The following CDKAL1 variants were observed in gnomAD, a reference collection of about 807,000 sequenced individuals.
CDKAL1 encodes the protein CDKAL1 threonylcarbamoyladenosine tRNA methylthiotransferase, also known as threonylcarbamoyladenosine tRNA methylthiotransferase.
A neutral mutation model predicts 68.2 loss-of-function variants in CDKAL1; 32 were observed. The observed-to-expected ratio is 0.47, with a 90% CI of 0.35 to 0.63. The LOEUF (loss-of-function observed/expected upper bound fraction) is 0.63, where lower values mean the gene tolerates loss of function less well. CDKAL1 is among the 30% of genes least tolerant of loss of function. CDKAL1 has a pLI of 0.00. For missense variants in CDKAL1, 606 were observed against 696.7 expected (o/e 0.87, Z 1.47); for synonymous variants, 234 against 244.3 (o/e 0.96, Z 0.39).
intron 9 of CDKAL1, among the ~76,000 whole-genome samples, chr6:20,883,316 A>G (rs1760913603): frequency 6.6e-6 from 1 of 152,198 alleles, no homozygotes; most frequent in South Asian, 2.1e-4. Flanking sequence ...TTAGTTGACA[A>G]GTGTAACTAG....
intron 10 of CDKAL1, among the ~76,000 whole-genome samples, chr6:20,970,632 A>G (rs1401747999): frequency 2.0e-5 from 3 of 152,300 alleles, no homozygotes; most frequent in African/African-American, 2.4e-5. Flanking sequence ...TGTCTTCCTC[A>G]TAAAGCTTTT....
intron 4 of CDKAL1, among the ~76,000 whole-genome samples, chr6:20,629,189 G>A (rs75080296): frequency 5.3e-5 from 8 of 152,112 alleles, no homozygotes; most frequent in Non-Finnish European, 1.0e-4. Context: ...CCAGTTACTT[G>A]AGTGATTGTG....
chr6:20,717,253 T>C (rs1562049206), intron 5 of CDKAL1, among the ~76,000 whole-genome samples: 1 of 151,890 alleles, frequency 6.6e-6, no homozygotes, highest in Non-Finnish European at 1.5e-5. Flanking sequence ...GTTGGGAAGA[T>C]GTAGAATCAA....
intron 8 of CDKAL1, among the ~76,000 whole-genome samples, chr6:20,832,236 T>C (rs768014174): frequency 2.6e-5 from 4 of 152,178 alleles, no homozygotes; most frequent in Non-Finnish European, 4.4e-5. Flanking sequence ...TTAAAATGAT[T>C]TATAACATAA....
chr6:21,201,623 G>A (rs906979196), intron 15 of CDKAL1, among the ~76,000 whole-genome samples: 4 of 152,124 alleles, frequency 2.6e-5, no homozygotes, highest in Non-Finnish European at 4.4e-5. Flanking sequence ...AGAAAGGGGT[G>A]TTTTCTTGCT....
intron 13 of CDKAL1, among the ~76,000 whole-genome samples, chr6:21,127,468 G>A (rs916666669): frequency 6.6e-6 from 1 of 152,154 alleles, no homozygotes; most frequent in Non-Finnish European, 1.5e-5. Flanking sequence ...AATGTAAAAA[G>A]GCCAGGCACA....
At chr6:21,160,329 G>C (rs1228091708) in intron 13 of CDKAL1, among the ~76,000 whole-genome samples, 1 of 150,738 alleles carries the variant, frequency 6.6e-6, no homozygotes, top group Non-Finnish European at 1.5e-5. Context: ...ATGAAGTCTC[G>C]CTCTGTCACC....
chr6:21,161,857 C>A (rs1001924181), intron 13 of CDKAL1, among the ~76,000 whole-genome samples: 1 of 152,086 alleles, frequency 6.6e-6, no homozygotes, highest in Admixed American at 6.5e-5. Flanking sequence ...TAATTGTTGT[C>A]ATTTTCTACT....
At chr6:20,546,566 TC>T (rs745504163) in intron 3 of CDKAL1, 43 bp downstream of exon 3, 9 of 1,558,142 alleles carry the variant, frequency 5.8e-6, no homozygotes, top group Middle Eastern at 1.8e-4. Context: ...TCTTTTTTTT[TC>T]TTTTGAGACA....
chr6:21,034,523 C>A (rs1022257165), intron 11 of CDKAL1, among the ~76,000 whole-genome samples: 3 of 152,188 alleles, frequency 2.0e-5, no homozygotes, highest in African/African-American at 7.2e-5. Flanking sequence ...CATAGATCAG[C>A]TGGACTGATA....
intron 10 of CDKAL1, among the ~76,000 whole-genome samples, chr6:20,986,728 T>A (rs1766480337): frequency 6.6e-6 from 1 of 152,100 alleles, no homozygotes; most frequent in Non-Finnish European, 1.5e-5. Flanking sequence ...TTTAAAGATA[T>A]ATAAGTGGTA....
intron 13 of CDKAL1, among the ~76,000 whole-genome samples, chr6:21,129,682 CAAAAAAAA>C (rs34802727): frequency 5.8e-5 from 4 of 69,016 alleles, no homozygotes; most frequent in African/African-American, 2.2e-4. Context: ...TGCAGTTTAC[CAAAAAAAA>C]AAAAAAAAAA....
At chr6:21,049,875 T>G (rs982262758) in intron 11 of CDKAL1, among the ~76,000 whole-genome samples, 2 of 152,058 alleles carry the variant, frequency 1.3e-5, no homozygotes, top group African/African-American at 4.8e-5. Context: ...GAAACAATTT[T>G]TCCATACACT....
At chr6:20,683,089 A>C (rs537415524) in intron 5 of CDKAL1, among the ~76,000 whole-genome samples, 1 of 152,062 alleles carries the variant, frequency 6.6e-6, no homozygotes, top group East Asian at 1.9e-4. Context: ...CAGCCTCCTG[A>C]GTAGCTGGAA....
At chr6:21,170,476 C>G (rs1323994367) in intron 13 of CDKAL1, among the ~76,000 whole-genome samples, 1 of 151,868 alleles carries the variant, frequency 6.6e-6, no homozygotes, top group East Asian at 1.9e-4. Context: ...ATTACAGGTG[C>G]CTGCTACTGT....
At chr6:21,166,092 T>G (rs1285518564) in intron 13 of CDKAL1, among the ~76,000 whole-genome samples, 1 of 152,200 alleles carries the variant, frequency 6.6e-6, no homozygotes, top group East Asian at 1.9e-4. Flanking sequence ...GTTACATATA[T>G]GAAGTACTCA....
intron 12 of CDKAL1, among the ~76,000 whole-genome samples, chr6:21,077,884 G>A (rs1394275093): frequency 6.6e-6 from 1 of 152,170 alleles, no homozygotes; most frequent in Non-Finnish European, 1.5e-5. Flanking sequence ...TACCTGAGTG[G>A]GGTCAATGTA....
chr6:20,625,145 A>G (rs1353675436), intron 4 of CDKAL1, among the ~76,000 whole-genome samples: 2 of 152,102 alleles, frequency 1.3e-5, no homozygotes, highest in Admixed American at 6.6e-5. Flanking sequence ...AAATTACTCT[A>G]TTGGAGAAGG....
intron 13 of CDKAL1, among the ~76,000 whole-genome samples, chr6:21,186,713 A>G (rs1205787072): frequency 6.6e-6 from 1 of 152,218 alleles, no homozygotes; most frequent in Non-Finnish European, 1.5e-5. Flanking sequence ...TCCTAAAACT[A>G]AAACATTACA....
Sources: allele counts gnomAD v4.1 joint callset (sites outside exome capture counted in the v4.1 genomes callset), GRCh38; gene constraint gnomAD v4.1.1; transcripts MANE v1.5; gene names NCBI Gene and HGNC (gene_info 2026-07-23, HGNC 2026-07-21).